Variants in MED12L observed in about 807,000 individuals in gnomAD.
MED12L encodes mediator of RNA polymerase II transcription subunit 12-like protein.
In MED12L, 60 loss-of-function variants were observed where a neutral mutation model predicts 281.3. The observed-to-expected ratio is 0.21, with a 90% CI of 0.17 to 0.26. The LOEUF is 0.26. Ranked by LOEUF, MED12L falls within the 10% of genes least tolerant of loss-of-function variation. The probability of loss-of-function intolerance (pLI) is 1.00; values close to 1 mark genes in which losing one functional copy is unlikely to be tolerated. For synonymous variants in MED12L, 974 were observed against 987.2 expected, an observed-to-expected ratio of 0.99 and a Z score of 0.25; for missense variants, 2,146 against 2,680.9, an observed-to-expected ratio of 0.80 and a Z score of 4.41.
rs186778557 is a variant in MED12L at position 151,099,719 on chromosome 3, C to T, written c.99+12694C>T. Among the ~76,000 whole-genome samples, 353 of 151,826 alleles carry T rather than the reference C, an allele frequency of 2.3e-3. 2 individuals carry two copies. Among genetic ancestry groups the T allele is most frequent in the Non-Finnish European group, 3.8e-3 (260 of 67,926 alleles). ...TTGGGTAGGTAGATCAATGGTGGTC[C>T]GTAAACTAACATGCCATAGGGAACA... On this transcript the variant is annotated intron_variant, in intron 2 of 44. Coordinates refer to ENST00000687756, the MANE Select transcript of MED12L (RefSeq NM_001393769.1).
intron 16 of MED12L, among the ~76,000 whole-genome samples, chr3:151,301,498 G>T (rs1239760200): frequency 2.0e-5 from 3 of 152,194 alleles, no homozygotes; most frequent in Non-Finnish European, 4.4e-5. Context: ...AGAAGACTGG[G>T]AGAAAATATT....
chr3:151,203,932 T>A (rs1053314780), intron 16 of MED12L, among the ~76,000 whole-genome samples: 1 of 152,194 alleles, frequency 6.6e-6, no homozygotes, highest in African/African-American at 2.4e-5. Context: ...AACAGCCTGA[T>A]GAATTGGAAT....
chr3:151,432,661 G>C, intron 44 of MED12L, 91 bp from the exon 45 acceptor site: 1 of 913,462 alleles, frequency 1.1e-6, no homozygotes, highest in South Asian at 1.5e-5. Context: ...TGTACCTGCA[G>C]CTGGTACTGA....
At chr3:151,092,263 C>G (rs571533798) in intron 2 of MED12L, among the ~76,000 whole-genome samples, 1 of 152,328 alleles carries the variant, frequency 6.6e-6, no homozygotes, top group Non-Finnish European at 1.5e-5. Context: ...CCTGTCTTCC[C>G]TCATCCTTGC....
At chr3:151,231,545 A>G (rs1371966172) in intron 16 of MED12L, among the ~76,000 whole-genome samples, 1 of 152,232 alleles carries the variant, frequency 6.6e-6, no homozygotes, top group African/African-American at 2.4e-5. Context: ...AGACAAATTT[A>G]GAATATGAAA....
intron 16 of MED12L, among the ~76,000 whole-genome samples, chr3:151,304,606 A>AC (rs1485435222): frequency 6.6e-6 from 1 of 152,078 alleles, no homozygotes; most frequent in East Asian, 1.9e-4. Flanking sequence ...TAAAAAAAAA[A>AC]AAAATCCTGC....
At chr3:151,246,351 C>T (rs879358799) in intron 16 of MED12L, among the ~76,000 whole-genome samples, 36 of 151,996 alleles carry the variant, frequency 2.4e-4, no homozygotes, top group East Asian at 7.7e-4. Flanking sequence ...GGAGGCATCA[C>T]GCTACCTGAC....
chr3:151,427,227 T>A (rs538631417), intron 43 of MED12L, among the ~76,000 whole-genome samples: 1 of 152,314 alleles, frequency 6.6e-6, no homozygotes, highest in East Asian at 1.9e-4. Context: ...TGTACGTGCA[T>A]GAGAAAATAA....
chr3:151,245,857 A>T (rs1197274824), intron 16 of MED12L, among the ~76,000 whole-genome samples: 4 of 151,540 alleles, frequency 2.6e-5, no homozygotes, highest in African/African-American at 9.7e-5. Flanking sequence ...ACATGATTGT[A>T]TATCTAGAAA....
chr3:151,286,711 TAGG>T (rs1743554628), intron 16 of MED12L, among the ~76,000 whole-genome samples: 1 of 152,206 alleles, frequency 6.6e-6, no homozygotes, highest in Non-Finnish European at 1.5e-5. Context: ...ATTGTGAACA[TAGG>T]GGCATATATT....
chr3:151,395,415 G>A (rs1714833699), intron 39 of MED12L, among the ~76,000 whole-genome samples: 1 of 152,104 alleles, frequency 6.6e-6, no homozygotes, highest in South Asian at 2.1e-4. Flanking sequence ...TTTAATTCTT[G>A]ATTTATATTT....
At position 151,261,775 on chromosome 3, in the gene MED12L, A is replaced by G. The variant is rs148855169; in HGVS notation, c.2250+68109A>G. Among the ~76,000 whole-genome samples the G allele has an allele frequency of 3.9e-3, 599 of 152,220 alleles. 5 individuals are homozygous for G. The highest frequency in any genetic ancestry group is 0.014 in the African/African-American group (582 of 41,520). On this transcript the variant is annotated intron_variant, in intron 16 of 44. Coordinates refer to ENST00000687756, the MANE Select transcript of MED12L (RefSeq NM_001393769.1). ...AGTCTTGCTGTGTCATCCAGGCCAC[A>G]GTGCAGTGGTATGATCTTGGCGCAC... is the stretch of plus-strand genomic sequence containing the variant.
chr3:151,164,283 A>T (rs1378093672), intron 9 of MED12L, among the ~76,000 whole-genome samples: 1 of 152,190 alleles, frequency 6.6e-6, no homozygotes, highest in Non-Finnish European at 1.5e-5. Flanking sequence ...TCTGCCACCC[A>T]GACTGTAATT....
At chr3:151,305,594 A>G (rs529613286) in intron 16 of MED12L, among the ~76,000 whole-genome samples, 2 of 152,182 alleles carry the variant, frequency 1.3e-5, no homozygotes, top group South Asian at 2.1e-4. Context: ...CAGACAGTTT[A>G]ATTAAGTTGC....
intron 33 of MED12L, among the ~76,000 whole-genome samples, chr3:151,383,048 AT>A (rs1712684235): frequency 6.6e-6 from 1 of 152,348 alleles, no homozygotes; most frequent in African/African-American, 2.4e-5. Context: ...GAAGACTGTT[AT>A]AAGTGTTAGC....
intron 15 of MED12L, 84 bp from the exon 16 acceptor site, chr3:151,193,406 T>C (rs1208242501): frequency 1.0e-6 from 1 of 994,748 alleles, no homozygotes; most frequent in Non-Finnish European, 1.5e-6. Flanking sequence ...AAGTGTCTTA[T>C]GTGTGTGTTT....
chr3:151,131,093 C>G (rs754394663), intron 5 of MED12L, among the ~76,000 whole-genome samples: 11 of 152,088 alleles, frequency 7.2e-5, no homozygotes, highest in Non-Finnish European at 1.5e-4. Flanking sequence ...AAAATTTCTC[C>G]CAATTGATAA....
At position 151,206,642 on chromosome 3, in the gene MED12L, C is replaced by CTTTTTTTTTTTTTTTT. The variant is rs747558778; in HGVS notation, c.2250+12981_2250+12996dup. On this transcript the variant is annotated intron_variant, in intron 16 of 44. Coordinates refer to ENST00000687756, the MANE Select transcript of MED12L (RefSeq NM_001393769.1). Reference sequence around the variant, plus strand: ...TATGAACTTATGACTAACACATTATCTTTTTTTTTTTTTTTTTTTTGAGAC... The same window carrying CTTTTTTTTTTTTTTTT: ...TATGAACTTATGACTAACACATTATCTTTTTTTTTTTTTTTTTTTTTTTTTTTTTTTTTTTTGAGAC... Among the ~76,000 whole-genome samples the CTTTTTTTTTTTTTTTT allele has an allele frequency of 5.4e-4, 38 of 70,328 alleles. 9 individuals are homozygous for CTTTTTTTTTTTTTTTT. Among genetic ancestry groups the CTTTTTTTTTTTTTTTT allele is most frequent in the African/African-American group, 1.0e-3 (17 of 16,686 alleles). 46.1% of individuals were successfully genotyped at this position (70,328 alleles called of 152,430 possible). A position where few individuals can be genotyped will look rare whatever the true frequency, so the allele number is the denominator to read the frequency against.
At chr3:151,313,868 G>A (rs1241997361) in intron 16 of MED12L, among the ~76,000 whole-genome samples, 2 of 150,952 alleles carry the variant, frequency 1.3e-5, no homozygotes, top group African/African-American at 4.9e-5. Flanking sequence ...AGGTTGCAGT[G>A]AGCAAAGATC....
Sources: gnomAD v4.1 joint callset for allele counts (sites outside exome capture counted in the v4.1 genomes callset) on GRCh38, gnomAD v4.1.1 for gene constraint, MANE v1.5 for transcripts, NCBI Gene and HGNC (gene_info 2026-07-23, HGNC 2026-07-21) for gene names.